MACROD2: variants seen among roughly 807,000 people sequenced by gnomAD.
MACROD2 encodes the protein mono-ADP ribosylhydrolase 2, also known as ADP-ribose glycohydrolase MACROD2.
A neutral mutation model predicts 70.4 loss-of-function variants in MACROD2; 36 were observed. The ratio of observed to expected loss-of-function variants is 0.51; its 90% CI spans 0.39 to 0.68. The LOEUF (loss-of-function observed/expected upper bound fraction) is 0.68, where lower values mean the gene tolerates loss of function less well. MACROD2 is among the 30% of genes least tolerant of loss of function. The pLI, the probability that MACROD2 is intolerant of heterozygous loss-of-function variation, is 0.00. For missense variants in MACROD2, 496 were observed against 538.4 expected, an observed-to-expected ratio of 0.92 and a Z score of 0.78; for synonymous variants, 172 against 178.8, an observed-to-expected ratio of 0.96 and a Z score of 0.30.
chr20:15,088,769 G>A (rs1269289751), intron 5 of MACROD2, among the ~76,000 whole-genome samples: 1 of 151,786 alleles, frequency 6.6e-6, no homozygotes, highest in African/African-American at 2.4e-5. Flanking sequence ...CTCAGGTTAG[G>A]TGTAATCTTC....
chr20:15,578,315 G>A (rs886228104), intron 8 of MACROD2, among the ~76,000 whole-genome samples: 1 of 152,170 alleles, frequency 6.6e-6, no homozygotes, highest in African/African-American at 2.4e-5. Context: ...GATAAACAAA[G>A]CGTGAATCCT....
intron 3 of MACROD2, among the ~76,000 whole-genome samples, chr20:14,478,799 AGT>A (rs1343351513): frequency 6.6e-6 from 1 of 152,166 alleles, no homozygotes; most frequent in African/African-American, 2.4e-5. Context: ...TTTAGTGGGC[AGT>A]AGTTCTAAGG....
chr20:15,834,842 C>T (rs2064095137), intron 8 of MACROD2, among the ~76,000 whole-genome samples: 1 of 152,122 alleles, frequency 6.6e-6, no homozygotes, highest in South Asian at 2.1e-4. Flanking sequence ...CCATGACTCT[C>T]CCCCACTGAC....
At chr20:15,230,870 G>T (rs2076953837) in intron 6 of MACROD2, among the ~76,000 whole-genome samples, 1 of 151,946 alleles carries the variant, frequency 6.6e-6, no homozygotes, top group South Asian at 2.1e-4. Context: ...AGTTAATTTG[G>T]CTGGAATCCC....
chr20:15,270,215 C>T (rs1437536310), intron 6 of MACROD2, among the ~76,000 whole-genome samples: 6 of 150,964 alleles, frequency 4.0e-5, no homozygotes, highest in Non-Finnish European at 2.9e-5. Flanking sequence ...TATAATTGCC[C>T]CAAGCTAGAA....
At chr20:14,545,981 A>G (rs776139964) in intron 4 of MACROD2, among the ~76,000 whole-genome samples, 3 of 152,198 alleles carry the variant, frequency 2.0e-5, no homozygotes, top group Admixed American at 6.5e-5. Flanking sequence ...AAAAGAGAAA[A>G]TGTAAACTGT....
chr20:15,048,475 A>G (rs2075413197), intron 5 of MACROD2, among the ~76,000 whole-genome samples: 1 of 151,932 alleles, frequency 6.6e-6, no homozygotes, highest in African/African-American at 2.4e-5. Flanking sequence ...AAAAAAAAAA[A>G]TGAGTATAGT....
At chr20:14,839,350 G>C (rs1177607548) in intron 5 of MACROD2, among the ~76,000 whole-genome samples, 1 of 152,054 alleles carries the variant, frequency 6.6e-6, no homozygotes, top group Non-Finnish European at 1.5e-5. Context: ...GAAAGAATTT[G>C]ATTTAAGCTG....
At chr20:14,038,366 A>G (rs972367335) in intron 2 of MACROD2, among the ~76,000 whole-genome samples, 10 of 152,220 alleles carry the variant, frequency 6.6e-5, no homozygotes, top group African/African-American at 2.4e-4. Context: ...GTGTTTTACA[A>G]ATATTGACTT....
intron 5 of MACROD2, among the ~76,000 whole-genome samples, chr20:15,138,612 C>G (rs2076168902): frequency 6.6e-6 from 1 of 152,120 alleles, no homozygotes; most frequent in Admixed American, 6.5e-5. Context: ...AAGAAACCTT[C>G]CATGTTGTTA....
At chr20:15,084,277 A>G (rs887328325) in intron 5 of MACROD2, among the ~76,000 whole-genome samples, 5 of 151,892 alleles carry the variant, frequency 3.3e-5, no homozygotes, top group Admixed American at 1.3e-4. Context: ...CATATTGGCC[A>G]TGCTGGTCTC....
intron 5 of MACROD2, among the ~76,000 whole-genome samples, chr20:15,178,247 T>A (rs1038239300): frequency 6.6e-6 from 1 of 152,178 alleles, no homozygotes; most frequent in Non-Finnish European, 1.5e-5. Context: ...TGTATTACTT[T>A]ATGGGGACTG....
At position 14,972,095 on chromosome 20, in the gene MACROD2, A is replaced by T. The variant is rs764504374; in HGVS notation, c.419-257845A>T. Among the ~76,000 whole-genome samples the T allele has an allele frequency of 5.5e-4, 83 of 152,160 alleles. 1 individual carries two copies. Among genetic ancestry groups the T allele is most frequent in the Middle Eastern group, 3.2e-3 (1 of 316 alleles). On this transcript the variant is annotated intron_variant, in intron 5 of 17. Coordinates refer to ENST00000684519, the MANE Select transcript of MACROD2 (RefSeq NM_001351661.2). ...TATCTGCCTAAATAATTTCTTCTTA[A>T]CTCCTATATCACTGGTTTTGCCTGC...
intron 17 of MACROD2, among the ~76,000 whole-genome samples, chr20:16,045,939 A>G (rs1601377101): frequency 1.3e-5 from 2 of 152,234 alleles, no homozygotes; most frequent in African/African-American, 4.8e-5. Context: ...GAAGAAGGAA[A>G]TTATGCTTGA....
chr20:15,222,920 A>G (rs190109113), intron 5 of MACROD2, among the ~76,000 whole-genome samples: 1 of 152,276 alleles, frequency 6.6e-6, no homozygotes. Flanking sequence ...TGGCATTTCA[A>G]TCACATATTT....
At chr20:14,217,232 GT>G (rs997246736) in intron 3 of MACROD2, among the ~76,000 whole-genome samples, 2 of 152,084 alleles carry the variant, frequency 1.3e-5, no homozygotes, top group African/African-American at 4.8e-5. Context: ...GTTGGATTTT[GT>G]TGAATGCTTT....
At chr20:16,044,760 T>G in intron 17 of MACROD2, 121 bp downstream of exon 17, 1 of 831,560 alleles carries the variant, frequency 1.2e-6, no homozygotes, top group Middle Eastern at 2.3e-4. Flanking sequence ...GGGATAAACC[T>G]TGAAAATCTT....
intron 3 of MACROD2, among the ~76,000 whole-genome samples, chr20:14,466,240 T>G (rs1243421266): frequency 6.6e-6 from 1 of 151,476 alleles, no homozygotes; most frequent in Non-Finnish European, 1.5e-5. Context: ...TTTCTTTTTA[T>G]TCTTTTTTCT....
chr20:15,018,366 T>C (rs940379053), intron 5 of MACROD2, among the ~76,000 whole-genome samples: 28 of 152,208 alleles, frequency 1.8e-4, no homozygotes, highest in Non-Finnish European at 3.2e-4. Context: ...GCCTGAATTT[T>C]ATTATCCATA....
Sources: gnomAD v4.1 joint callset for allele counts (sites outside exome capture counted in the v4.1 genomes callset) on GRCh38, gnomAD v4.1.1 for gene constraint, MANE v1.5 for transcripts, NCBI Gene and HGNC (gene_info 2026-07-23, HGNC 2026-07-21) for gene names.